COL25A1: variants seen among roughly 807,000 people sequenced by gnomAD.
COL25A1 encodes the protein collagen type XXV alpha 1 chain.
COL25A1 carries 103 observed loss-of-function variants against 128.4 expected under a neutral mutation model. That is an observed-to-expected ratio of 0.80 (90% confidence interval 0.68 to 0.94). COL25A1 has a LOEUF of 0.94. Among genes scored for constraint, COL25A1 ranks in the 40% least tolerant of loss-of-function variants. The pLI, the probability that COL25A1 is intolerant of heterozygous loss-of-function variation, is 0.00. For missense variants in COL25A1, 745 were observed against 840.0 expected, an observed-to-expected ratio of 0.89 and a Z score of 1.40; for synonymous variants, 279 against 277.2, an observed-to-expected ratio of 1.01 and a Z score of -0.06.
At chr4:108,983,718 G>A (rs1179456083) in intron 6 of COL25A1, among the ~76,000 whole-genome samples, 4 of 152,000 alleles carry the variant, frequency 2.6e-5, no homozygotes, top group African/African-American at 9.7e-5. Context: ...GCGGACCTTC[G>A]CAGTGAGTGT....
intron 36 of COL25A1, among the ~76,000 whole-genome samples, chr4:108,818,793 G>A (rs527692581): frequency 3.4e-4 from 52 of 151,970 alleles, no homozygotes; most frequent in South Asian, 8.3e-4. Context: ...GACGACAGAA[G>A]CTGAATTCCG....
chr4:108,935,870 C>A (rs913405746), intron 11 of COL25A1, among the ~76,000 whole-genome samples: 1 of 151,940 alleles, frequency 6.6e-6, no homozygotes, highest in Admixed American at 6.6e-5. Context: ...AAAAATATAT[C>A]CATTTTATTT....
chr4:109,266,014 G>T (rs1379062559), intron 3 of COL25A1, among the ~76,000 whole-genome samples: 1 of 142,678 alleles, frequency 7.0e-6, no homozygotes, highest in Admixed American at 7.2e-5. Context: ...AACATTTCCT[G>T]TGTTAAAGTT....
chr4:109,137,628 T>C (rs924403047), intron 3 of COL25A1, among the ~76,000 whole-genome samples: 1 of 152,194 alleles, frequency 6.6e-6, no homozygotes, highest in Non-Finnish European at 1.5e-5. Flanking sequence ...CTAAGTATCA[T>C]ATATCCCATT....
chr4:109,069,179 A>G (rs545498741), intron 3 of COL25A1, among the ~76,000 whole-genome samples: 8 of 151,936 alleles, frequency 5.3e-5, no homozygotes, highest in African/African-American at 1.9e-4. Context: ...GCCAAAAAAA[A>G]GGCAATTTAA....
chr4:108,838,143 C>T (rs1217884373), intron 31 of COL25A1: 2 of 1,550,260 alleles, frequency 1.3e-6, no homozygotes, highest in Non-Finnish European at 1.7e-6. Context: ...CTGGTTCACC[C>T]TTCAATCCTT....
intron 3 of COL25A1, among the ~76,000 whole-genome samples, chr4:109,090,442 T>C (rs1579332037): frequency 2.0e-5 from 3 of 152,200 alleles, no homozygotes; most frequent in Non-Finnish European, 4.4e-5. Context: ...AGTCATTCTA[T>C]TGCATTTATC....
At chr4:109,262,582 T>A (rs1356697744) in intron 3 of COL25A1, among the ~76,000 whole-genome samples, 3 of 152,122 alleles carry the variant, frequency 2.0e-5, no homozygotes, top group African/African-American at 7.2e-5. Context: ...ACGTTTAGGG[T>A]AAGCATTATA....
At chr4:109,060,882 C>T in intron 3 of COL25A1, among the ~76,000 whole-genome samples, 1 of 152,060 alleles carries the variant, frequency 6.6e-6, no homozygotes, top group East Asian at 1.9e-4. Context: ...TTGACTGTCC[C>T]TTTGTTTTCA....
At chr4:109,218,359 T>TTTTTTTTTGTTTG (rs1778177406) in intron 3 of COL25A1, among the ~76,000 whole-genome samples, 2 of 112,230 alleles carry the variant, frequency 1.8e-5, no homozygotes, top group Non-Finnish European at 3.4e-5. Flanking sequence ...TTTTTGGGGT[T>TTTTTTTTTGTTTG]TTTTTTTTTT....
chr4:109,003,522 C>T (rs181885555), intron 6 of COL25A1, among the ~76,000 whole-genome samples: 2 of 152,262 alleles, frequency 1.3e-5, no homozygotes, highest in East Asian at 3.9e-4. Context: ...TATAAAAGGC[C>T]GGGCATGGTG....
chr4:109,176,491 G>A (rs772726882), intron 3 of COL25A1, among the ~76,000 whole-genome samples: 7 of 152,118 alleles, frequency 4.6e-5, no homozygotes, highest in Admixed American at 1.3e-4. Context: ...ACTAGAAAGG[G>A]TCAGCAAATA....
chr4:109,131,019 C>T (rs925238114), intron 3 of COL25A1, among the ~76,000 whole-genome samples: 4 of 151,980 alleles, frequency 2.6e-5, no homozygotes, highest in South Asian at 2.1e-4. Context: ...TTCAGCATAA[C>T]GATAAATGAA....
At chr4:109,106,935 T>A (rs929355995) in intron 3 of COL25A1, among the ~76,000 whole-genome samples, 4 of 152,096 alleles carry the variant, frequency 2.6e-5, no homozygotes, top group Admixed American at 2.6e-4. Flanking sequence ...GCTCTGCTAA[T>A]TTTTTCTGTT....
At chr4:108,937,694 T>C in intron 11 of COL25A1, 114 bp downstream of exon 11, 1 of 840,622 alleles carries the variant, frequency 1.2e-6, no homozygotes, top group Non-Finnish European at 1.8e-6. Context: ...TTTTACTAAT[T>C]TTCACTTTTT....
At chr4:109,298,521 A>G (rs1014289553) in intron 3 of COL25A1, among the ~76,000 whole-genome samples, 11 of 152,188 alleles carry the variant, frequency 7.2e-5, no homozygotes, top group African/African-American at 2.7e-4. Context: ...ACTCTTAGTC[A>G]CTGCAAACCA....
chr4:109,043,264 A>G (rs1760099997), intron 5 of COL25A1, among the ~76,000 whole-genome samples: 1 of 150,370 alleles, frequency 6.7e-6, no homozygotes, highest in Non-Finnish European at 1.5e-5. Flanking sequence ...AAATCTTATC[A>G]TTTTTTTCAT....
intron 19 of COL25A1, among the ~76,000 whole-genome samples, chr4:108,870,321 T>A (rs921856819): frequency 2.6e-5 from 4 of 152,094 alleles, no homozygotes; most frequent in Non-Finnish European, 5.9e-5. Context: ...TCAATTTTTT[T>A]AATATGCTAT....
chr4:108,966,816 C>T (rs1020603345), intron 8 of COL25A1, among the ~76,000 whole-genome samples: 1 of 150,290 alleles, frequency 6.7e-6, no homozygotes, highest in African/African-American at 2.5e-5. Flanking sequence ...TGTGGCACTG[C>T]ATTCCAGCCT....
Sources: gnomAD v4.1 joint callset for allele counts (sites outside exome capture counted in the v4.1 genomes callset) on GRCh38, gnomAD v4.1.1 for gene constraint, MANE v1.5 for transcripts, NCBI Gene and HGNC (gene_info 2026-07-23, HGNC 2026-07-21) for gene names.